Variants in ZFHX3 observed in about 807,000 individuals in gnomAD.
The protein encoded by ZFHX3 is zinc finger homeobox 3.
ZFHX3 carries 42 observed loss-of-function variants against 279.1 expected under a neutral mutation model. That is an observed-to-expected ratio of 0.15 (90% confidence interval 0.12 to 0.19). The LOEUF is 0.19. Among genes scored for constraint, ZFHX3 ranks in the 10% least tolerant of loss-of-function variants. The pLI, the probability that ZFHX3 is intolerant of heterozygous loss-of-function variation, is 1.00. For missense variants in ZFHX3, 4,981 were observed against 4,754.0 expected (o/e 1.05, Z -1.40); for synonymous variants, 2,293 against 1,957.8 (o/e 1.17, Z -4.52).
At chr16:73,406,372 C>G (rs1487482655) in intron 3 of ZFHX3, among the ~76,000 whole-genome samples, 1 of 152,214 alleles carries the variant, frequency 6.6e-6, no homozygotes, top group African/African-American at 2.4e-5. Flanking sequence ...CACAGAGTTA[C>G]AGTCGAGGCA....
chr16:73,018,377 C>T (rs1964181964), intron 1 of ZFHX3, among the ~76,000 whole-genome samples: 2 of 152,146 alleles, frequency 1.3e-5, no homozygotes, highest in South Asian at 2.1e-4. Flanking sequence ...GGAGGCTGAA[C>T]GGGGTAGATC....
chr16:73,811,505 C>T (rs567762963), intron 1 of ZFHX3, among the ~76,000 whole-genome samples: 22 of 138,458 alleles, frequency 1.6e-4, no homozygotes, highest in South Asian at 2.2e-4. Flanking sequence ...GTGGCAGTGG[C>T]GTGATCTCAG....
chr16:73,292,865 C>T (rs755469416), intron 4 of ZFHX3, among the ~76,000 whole-genome samples: 20 of 152,124 alleles, frequency 1.3e-4, no homozygotes, highest in Non-Finnish European at 2.1e-4. Flanking sequence ...ATTCCTCGGG[C>T]TGGAAGCAGA....
chr16:72,818,035 C>T (rs2036664494), intron 5 of ZFHX3, among the ~76,000 whole-genome samples: 1 of 152,172 alleles, frequency 6.6e-6, no homozygotes. Flanking sequence ...TTGCCACCTG[C>T]CCCAGAAATT....
chr16:73,781,121 T>A (rs1287960285), intron 1 of ZFHX3, among the ~76,000 whole-genome samples: 1 of 152,206 alleles, frequency 6.6e-6, no homozygotes, highest in Non-Finnish European at 1.5e-5. Context: ...CTCAAGGAAG[T>A]CGGAGTGTTA....
chr16:73,310,136 T>C (rs1567446788), intron 4 of ZFHX3, among the ~76,000 whole-genome samples: 1 of 152,044 alleles, frequency 6.6e-6, no homozygotes, highest in African/African-American at 2.4e-5. Flanking sequence ...CTCGAACACC[T>C]GACCTTGTGA....
chr16:73,132,062 G>A (rs182978463), intron 6 of ZFHX3, among the ~76,000 whole-genome samples: 2 of 152,270 alleles, frequency 1.3e-5, no homozygotes, highest in Non-Finnish European at 2.9e-5. Context: ...GAGGTGGGAA[G>A]ATTGCTTGAG....
At chr16:73,518,011 C>A (rs2019552077) in intron 2 of ZFHX3, among the ~76,000 whole-genome samples, 2 of 152,134 alleles carry the variant, frequency 1.3e-5, no homozygotes, top group Non-Finnish European at 2.9e-5. Context: ...ATTATTTCAA[C>A]ACATAATCAA....
intron 1 of ZFHX3, among the ~76,000 whole-genome samples, chr16:73,707,750 AT>A (rs1435303225): frequency 6.1e-5 from 6 of 97,734 alleles, no homozygotes; most frequent in East Asian, 4.0e-4. Flanking sequence ...TAATAATAAA[AT>A]TTAAAAAAAA....
chr16:73,294,755 T>C (rs1386055959), intron 4 of ZFHX3, among the ~76,000 whole-genome samples: 1 of 148,910 alleles, frequency 6.7e-6, no homozygotes, highest in Non-Finnish European at 1.5e-5. Context: ...GAGGTTGCAG[T>C]GAGCCAAGAC....
At position 72,889,864 on chromosome 16, in the gene ZFHX3, C is replaced by T. The variant is rs2038726826; in HGVS notation, c.3315G>A (p.Gln1105=). ...GCTGGTGCTTCATGGAGCGCACATG[C>T]TGGATGAGGTTGAGCTTGGCCTTGG... ...YSTKAKLNLI[Q]HVRSMKHQRS... The change falls in exon 4 of 10, where the codon CAG becomes CAA. Residue 1105 remains glutamine (Q), a synonymous_variant. Transcript: ENST00000268489. The T allele has an allele frequency of 6.2e-7, 1 of 1,614,176 alleles. No homozygotes were observed.
intron 7 of ZFHX3, among the ~76,000 whole-genome samples, chr16:73,120,093 C>T (rs914093835): frequency 6.6e-6 from 1 of 152,104 alleles, no homozygotes; most frequent in South Asian, 2.1e-4. Context: ...AAGTGAAATA[C>T]ACAGTTGATG....
rs1311100757 is a variant in ZFHX3, at chr16:72,786,828, A to AAAT, written c.*333_*335dup. On this transcript the variant is annotated 3_prime_UTR_variant, in exon 10 of 10. Coordinates refer to ENST00000268489, the MANE Select transcript of ZFHX3 (RefSeq NM_006885.4). ...CGTGGGGCGTTTATTGAAAAGGGGC[A>AAAT]AATATACAAGGGGTTTAAGCTCCAA... 1 of 159,090 alleles carries AAAT rather than the reference A, an allele frequency of 6.3e-6. No homozygotes were observed. Among genetic ancestry groups the AAAT allele is most frequent in the African/African-American group, 2.4e-5 (1 of 41,644 alleles). The allele number at this position is 159,090 out of a possible 1,614,324, so 9.9% of individuals were successfully genotyped here.
rs767796126 is a variant in ZFHX3 at position 72,798,039 on chromosome 16, G to C, written c.4643C>G (p.Thr1548Ser). Residue 1548 changes from threonine to serine, a missense_variant, in exon 9 of 10, where the codon ACC (threonine) becomes AGC (serine). By Grantham distance (58) the Thr-to-Ser change is moderately conservative. Coordinates refer to ENST00000268489, the MANE Select transcript of ZFHX3 (RefSeq NM_006885.4). ...TTGAGTGAAAGATTCCTTGCAGACG[G>C]TACACTTGTAAGGGCGAGAAGGGTC... ...FLDPSRPYKC[T>S]VCKESFTQKN... 3.7e-6 allele frequency: 6 copies of C among 1,614,202 alleles called. No homozygotes were observed. The highest frequency in any genetic ancestry group is 5.1e-6 in the Non-Finnish European group (6 of 1,180,032).
chr16:73,315,232 A>G (rs2015418316), intron 4 of ZFHX3, among the ~76,000 whole-genome samples: 1 of 151,848 alleles, frequency 6.6e-6, no homozygotes, highest in South Asian at 2.1e-4. Flanking sequence ...AAAAAAAAAA[A>G]AGAAAAAAGA....
At chr16:73,005,841 C>T (rs896909904) in intron 1 of ZFHX3, 9 of 152,232 alleles carry the variant, frequency 5.9e-5, no homozygotes, top group South Asian at 2.1e-4. Context: ...AGTTCTGAAG[C>T]GTTATGTGAG....
chr16:73,878,535 C>T (rs886144245), intron 1 of ZFHX3, among the ~76,000 whole-genome samples: 1 of 152,128 alleles, frequency 6.6e-6, no homozygotes, highest in African/African-American at 2.4e-5. Flanking sequence ...CATTTTGAAA[C>T]AGTTGCATAT....
Position 72,787,088 on chromosome 16 carries a change from TAGTC to T in ZFHX3, c.*72_*75del, listed in dbSNP as rs2035417250. The stretch of plus-strand genomic sequence containing the variant: ...TGGTTAGAAGCTTTGGAATTGCAGT[TAGTC>T]TATTTTTGAAATTGGTTTGTTATTA... On this transcript the variant is annotated 3_prime_UTR_variant, in exon 10 of 10. Coordinates refer to ENST00000268489, the MANE Select transcript of ZFHX3 (RefSeq NM_006885.4). The T allele has an allele frequency of 3.1e-6, 4 of 1,289,078 alleles. No homozygotes were observed. The highest frequency in any genetic ancestry group is 1.5e-5 in the African/African-American group (1 of 65,868). 79.9% of individuals were successfully genotyped at this position (1,289,078 alleles called of 1,614,324 possible). A position where few individuals can be genotyped will look rare whatever the true frequency, so the allele number is the denominator to read the frequency against.
chr16:73,284,984 G>T (rs2014556838), intron 4 of ZFHX3, among the ~76,000 whole-genome samples: 1 of 152,184 alleles, frequency 6.6e-6, no homozygotes, highest in South Asian at 2.1e-4. Flanking sequence ...GAGTCTACAG[G>T]CCTGCACCAG....
Sources: gnomAD v4.1 joint callset for allele counts (sites outside exome capture counted in the v4.1 genomes callset) on GRCh38, gnomAD v4.1.1 for gene constraint, MANE v1.5 for transcripts, NCBI Gene and HGNC (gene_info 2026-07-23, HGNC 2026-07-21) for gene names.